HDAC4: variants seen among roughly 807,000 people sequenced by gnomAD.
The protein encoded by HDAC4 is histone deacetylase 4, also known as histone deacetylase A.
In HDAC4, 16 loss-of-function variants were observed where a neutral mutation model predicts 135.1. The ratio of observed to expected loss-of-function variants is 0.12; its 90% CI spans 0.08 to 0.18. The LOEUF (loss-of-function observed/expected upper bound fraction) is 0.18. HDAC4 is among the 10% of genes least tolerant of loss of function. The pLI is 1.00. For synonymous variants in HDAC4, 685 were observed against 653.4 expected (o/e 1.05, Z -0.74); for missense variants, 1,143 against 1,511.8 (o/e 0.76, Z 4.05).
Position 239,167,587 on chromosome 2 carries a change from G to A in HDAC4, c.491-3664C>T, listed in dbSNP as rs537162228. ...TACTAGGAGAGTATTCAAAATGAGG[G>A]GCTGATTCTGACCCCCACCCCGTTT... On this transcript the variant is annotated intron_variant, in intron 5 of 26. Transcript: ENST00000543185. This position sits in a 1 kb window ranked among gnomAD's most constrained non-coding sequence, Gnocchi z 4.1. Among the ~76,000 whole-genome samples, 7 of 152,254 alleles carry A rather than the reference G, an allele frequency of 4.6e-5. No homozygotes were observed. Among genetic ancestry groups the A allele is most frequent in the African/African-American group, 1.7e-4 (7 of 41,546 alleles).
At chr2:239,075,265 T>TA (rs910555481) in intron 22 of HDAC4, among the ~76,000 whole-genome samples, 8 of 125,144 alleles carry the variant, frequency 6.4e-5, no homozygotes, top group South Asian at 3.1e-4. Context: ...ACTCAGTCTC[T>TA]AAAAAAATAA....
intron 2 of HDAC4, among the ~76,000 whole-genome samples, chr2:239,295,780 T>C (rs143323390): frequency 3.9e-4 from 59 of 152,326 alleles, no homozygotes; most frequent in African/African-American, 1.4e-3. Context: ...CCAATGACTT[T>C]TGCACAAACA....
At chr2:239,329,955 G>A (rs1007028977) in intron 2 of HDAC4, among the ~76,000 whole-genome samples, 5 of 152,136 alleles carry the variant, frequency 3.3e-5, no homozygotes, top group Admixed American at 1.3e-4. Flanking sequence ...AGGAATGGGG[G>A]AGCAAGGAGG....
intron 8 of HDAC4, chr2:239,140,817 C>A: frequency 2.7e-6 from 1 of 366,640 alleles, no homozygotes; most frequent in Non-Finnish European, 5.9e-6. Flanking sequence ...CCACGGTCTG[C>A]TTGCTGCCCG....
intron 2 of HDAC4, among the ~76,000 whole-genome samples, chr2:239,277,612 C>T (rs763879401): frequency 3.2e-4 from 49 of 152,178 alleles, no homozygotes; most frequent in African/African-American, 3.4e-4. Flanking sequence ...TCTCACCGCA[C>T]GCATCCCCGG....
At position 239,245,109 on chromosome 2, in the gene HDAC4, G is replaced by A. The variant is rs190032868; in HGVS notation, c.23-8445C>T. Among the ~76,000 whole-genome samples, 127 of 152,290 alleles carry A rather than the reference G, an allele frequency of 8.3e-4. No individual in the cohort carries two copies. The highest frequency in any genetic ancestry group is 3.0e-3 in the African/African-American group (125 of 41,546). ...TGCATTTATTAGAGAAAATGAAAAT[G>A]GAAAAAGATTCTTTCCCTAAGCAAT... On this transcript the variant is annotated intron_variant, in intron 2 of 26. Transcript: ENST00000543185. The surrounding 1 kb of genome is among the most constrained non-coding windows in gnomAD (Gnocchi z 4.4).
rs375588127 is a variant in HDAC4 at position 239,119,350 on chromosome 2, C to T, written c.1534-4040G>A. ...GGAGGAGGGAGAGCAGCAGCCAGGACGGGCCTTCAGGAAGCAAGAATGTCC... is the reference window on the plus strand; with the variant it reads ...GGAGGAGGGAGAGCAGCAGCCAGGATGGGCCTTCAGGAAGCAAGAATGTCC... On this transcript the variant is annotated intron_variant, in intron 12 of 26. Transcript: ENST00000543185. 3.9e-5 allele frequency among the ~76,000 whole-genome samples: 6 copies of T among 152,234 alleles called. No individual in the cohort carries two copies. In the South Asian group the frequency reaches 6.2e-4, roughly 16 times the overall value.
At position 239,240,991 on chromosome 2, in the gene HDAC4, G is replaced by A. The variant is rs1017054848; in HGVS notation, c.23-4327C>T. On this transcript the variant is annotated intron_variant, in intron 2 of 26. Transcript: ENST00000543185. This position sits in a 1 kb window ranked among gnomAD's most constrained non-coding sequence, Gnocchi z 4.5. The stretch of plus-strand genomic sequence containing the variant: ...CAAAGGAACCTCACTTTCACCCGGA[G>A]GGCCCAGGCCCCCCACTTCACACTT... 3.3e-5 allele frequency among the ~76,000 whole-genome samples: 5 copies of A among 152,170 alleles called. No homozygotes were observed. Among genetic ancestry groups the A allele is most frequent in the Admixed American group, 2.0e-4 (3 of 15,270 alleles).
At chr2:239,163,579 C>T (rs2042950287) in intron 6 of HDAC4, among the ~76,000 whole-genome samples, 1 of 152,076 alleles carries the variant, frequency 6.6e-6, no homozygotes, top group South Asian at 2.1e-4. Flanking sequence ...ACCCCCAGAC[C>T]ATGTCACTCT....
chr2:239,264,459 G>C (rs1449849359), intron 2 of HDAC4, among the ~76,000 whole-genome samples: 7 of 152,238 alleles, frequency 4.6e-5, no homozygotes, highest in Admixed American at 4.6e-4. Context: ...AGGTCGCTGG[G>C]CAGATGCAGC....
intron 2 of HDAC4, among the ~76,000 whole-genome samples, chr2:239,292,089 C>T (rs1369101255): frequency 1.3e-5 from 2 of 152,172 alleles, no homozygotes; most frequent in Non-Finnish European, 2.9e-5. Context: ...CACAGCCCAG[C>T]TCAGGACGGC....
chr2:239,264,668 T>C (rs191278039), intron 2 of HDAC4, among the ~76,000 whole-genome samples: 26 of 152,272 alleles, frequency 1.7e-4, no homozygotes, highest in Middle Eastern at 3.4e-3. Flanking sequence ...AGTCGAAGAA[T>C]AGATCAGCCT....
chr2:239,202,087 A>G (rs988183032), intron 3 of HDAC4, among the ~76,000 whole-genome samples: 46 of 152,146 alleles, frequency 3.0e-4, no homozygotes, highest in African/African-American at 1.0e-3. Context: ...ACCCGAGAAC[A>G]TTCTGATGGA....
chr2:239,391,042 G>A (rs1004343580), intron 1 of HDAC4, among the ~76,000 whole-genome samples: 1 of 152,214 alleles, frequency 6.6e-6, no homozygotes, highest in African/African-American at 2.4e-5. Context: ...CCATCAGACC[G>A]CTCGAGTCAT....
chr2:239,337,262 C>T lies in HDAC4; in HGVS notation c.22+15416G>A, dbSNP rs528390289. Among the ~76,000 whole-genome samples, 9 of 152,236 alleles carry T rather than the reference C, an allele frequency of 5.9e-5. No homozygotes were observed. The South Asian group carries it at 8.3e-4, about 14-fold the overall frequency. ...CTCGGAGACACTGCTGTCAGATGCA[C>T]GTGAGACTCAGCTGTACTCACCGGC... On this transcript the variant is annotated intron_variant, in intron 2 of 26. Coordinates refer to ENST00000543185, the MANE Select transcript of HDAC4 (RefSeq NM_001378414.1).
At chr2:239,086,946 C>T (rs779401024) in intron 19 of HDAC4, among the ~76,000 whole-genome samples, 2 of 152,176 alleles carry the variant, frequency 1.3e-5, no homozygotes, top group African/African-American at 2.4e-5. Flanking sequence ...CATTCATTCA[C>T]CACCCAGGCT....
intron 24 of HDAC4, among the ~76,000 whole-genome samples, chr2:239,061,511 G>A (rs2032735246): frequency 1.3e-5 from 2 of 152,032 alleles, no homozygotes; most frequent in East Asian, 3.9e-4. Context: ...ACGTGTGACT[G>A]GTGCTTGCGT....
At chr2:239,267,874 T>C (rs1484370510) in intron 2 of HDAC4, among the ~76,000 whole-genome samples, 1 of 152,268 alleles carries the variant, frequency 6.6e-6, no homozygotes, top group Admixed American at 6.5e-5. Flanking sequence ...TTCTGAGTTC[T>C]TACATGGTAA....
At chr2:239,287,740 T>C (rs887173498) in intron 2 of HDAC4, among the ~76,000 whole-genome samples, 2 of 152,040 alleles carry the variant, frequency 1.3e-5, no homozygotes, top group Non-Finnish European at 2.9e-5. Context: ...AAACGATTAA[T>C]ACAGATTAAT....
Sources: gnomAD v4.1 joint callset for allele counts (sites outside exome capture counted in the v4.1 genomes callset) on GRCh38, gnomAD v4.1.1 for gene constraint, Gnocchi (gnomAD v3.1) non-coding constraint, MANE v1.5 for transcripts, NCBI Gene and HGNC (gene_info 2026-07-23, HGNC 2026-07-21) for gene names.